EPHB1: variants seen among roughly 807,000 people sequenced by gnomAD.
The protein encoded by EPHB1 is ephrin type-B receptor 1.
EPHB1 carries 30 observed loss-of-function variants against 94.4 expected under a neutral mutation model. The observed-to-expected ratio is 0.32, with a 90% CI of 0.24 to 0.43. The LOEUF is 0.43. Ranked by LOEUF, EPHB1 falls within the 20% of genes least tolerant of loss-of-function variation. EPHB1 has a pLI of 1.00. For synonymous variants in EPHB1, 522 were observed against 489.1 expected, an observed-to-expected ratio of 1.07 and a Z score of -0.89; for missense variants, 1,055 against 1,308.3, an observed-to-expected ratio of 0.81 and a Z score of 2.99.
At chr3:134,928,992 A>T (rs375162833) in intron 2 of EPHB1, among the ~76,000 whole-genome samples, 1 of 152,078 alleles carries the variant, frequency 6.6e-6, no homozygotes, top group Non-Finnish European at 1.5e-5. Context: ...AAGTATACAG[A>T]TGGTTTCAGA....
rs764876925 is a variant in EPHB1 at position 135,248,451 on chromosome 3, C to G, written c.2632C>G (p.Leu878Val). Residue 878 changes from leucine to valine, a missense_variant, in exon 14 of 16, where the codon CTA becomes GTA. Coordinates refer to ENST00000398015, the MANE Select transcript of EPHB1 (RefSeq NM_004441.5). ...CCGGTTTGCGGAGATTGTCAACACC[C>G]TAGATAAGATGATCCGGAACCCGGC... ...RPRFAEIVNT[L>V]DKMIRNPASL... The G allele has an allele frequency of 1.2e-6, 2 of 1,613,604 alleles. No homozygotes were observed. Among genetic ancestry groups the G allele is most frequent in the Non-Finnish European group, 1.7e-6 (2 of 1,179,670 alleles).
chr3:134,882,580 C>T (rs2037755380), intron 1 of EPHB1, among the ~76,000 whole-genome samples: 1 of 152,182 alleles, frequency 6.6e-6, no homozygotes, highest in Non-Finnish European at 1.5e-5. Flanking sequence ...CATGAGGAAT[C>T]AACTTGTGGG....
intron 9 of EPHB1, among the ~76,000 whole-genome samples, chr3:135,173,154 C>T (rs1941859075): frequency 6.6e-6 from 1 of 150,972 alleles, no homozygotes; most frequent in South Asian, 2.1e-4. Flanking sequence ...CCTGCCTCAG[C>T]CTCCCAAGTA....
chr3:135,140,250 C>A (rs1940772051), intron 5 of EPHB1, among the ~76,000 whole-genome samples: 1 of 152,094 alleles, frequency 6.6e-6, no homozygotes, highest in Non-Finnish European at 1.5e-5. Context: ...CATAAAGAGG[C>A]AAAGAGGATG....
intron 12 of EPHB1, 116 bp downstream of exon 12, chr3:135,201,805 C>A: frequency 1.0e-6 from 1 of 993,284 alleles, no homozygotes; most frequent in South Asian, 1.6e-5. Flanking sequence ...ACTGAGCTCT[C>A]CACTGAAAGA....
intron 3 of EPHB1, chr3:134,977,936 A>G (rs1934250749): frequency 2.2e-6 from 1 of 455,682 alleles, no homozygotes; most frequent in African/African-American, 2.0e-5. Context: ...CACTTGCCTG[A>G]TGCCATCCAT....
At chr3:134,919,841 G>GGTGTGTGTGT (rs10663205) in intron 1 of EPHB1, among the ~76,000 whole-genome samples, 49 of 149,744 alleles carry the variant, frequency 3.3e-4, no homozygotes, top group African/African-American at 9.6e-4. Flanking sequence ...TTAGGGCAGG[G>GGTGTGTGTGT]GTGTGTGTGT....
intron 1 of EPHB1, among the ~76,000 whole-genome samples, chr3:134,806,904 G>A (rs185075135): frequency 3.9e-5 from 6 of 152,216 alleles, no homozygotes; most frequent in South Asian, 2.1e-4. Context: ...GTGACTGAGA[G>A]TGATGGGCGC....
intron 3 of EPHB1, among the ~76,000 whole-genome samples, chr3:135,041,960 G>A (rs1936859666): frequency 6.6e-6 from 1 of 152,096 alleles, no homozygotes; most frequent in African/African-American, 2.4e-5. Context: ...TCTGAGACAG[G>A]GTCTCACTCT....
At chr3:134,952,830 G>A (rs1445376623) in intron 3 of EPHB1, among the ~76,000 whole-genome samples, 1 of 152,174 alleles carries the variant, frequency 6.6e-6, no homozygotes, top group Non-Finnish European at 1.5e-5. Flanking sequence ...TGCTGAACTG[G>A]CTGCAGGCTC....
In EPHB1 at chr3:134,983,632, A is replaced by G. The variant is rs187954327; in HGVS notation, c.805+31580A>G. On this transcript the variant is annotated intron_variant, in intron 3 of 15. Coordinates refer to ENST00000398015, the MANE Select transcript of EPHB1 (RefSeq NM_004441.5). The stretch of plus-strand genomic sequence containing the variant: ...GGGAGTCAGAAGCTTAGCTATGAGC[A>G]TCTTCCCCACCATGCTGCCTGTGCA... Among the ~76,000 whole-genome samples, 118 of 152,372 alleles carry G rather than the reference A, an allele frequency of 7.7e-4. 1 individual carries two copies. The highest frequency in any genetic ancestry group is 2.7e-3 in the South Asian group (13 of 4,832).
intron 15 of EPHB1, among the ~76,000 whole-genome samples, chr3:135,252,370 CCCACCCCA>C (rs1260353422): frequency 1.8e-5 from 2 of 112,910 alleles, no homozygotes; most frequent in Admixed American, 2.0e-4. Context: ...CCCCCCTCCC[CCCACCCCA>C]CCACAGTCCC....
At chr3:135,184,000 G>A (rs1177104027) in intron 10 of EPHB1, among the ~76,000 whole-genome samples, 1 of 152,200 alleles carries the variant, frequency 6.6e-6, no homozygotes, top group African/African-American at 2.4e-5. Flanking sequence ...CCTTGGAGGT[G>A]GGAAGACAAG....
intron 3 of EPHB1, among the ~76,000 whole-genome samples, chr3:134,954,297 T>C (rs1437415984): frequency 6.6e-6 from 1 of 152,142 alleles, no homozygotes; most frequent in East Asian, 1.9e-4. Flanking sequence ...AGTGGTGATC[T>C]TGGGAAGACT....
intron 1 of EPHB1, among the ~76,000 whole-genome samples, chr3:134,877,842 C>T (rs962471617): frequency 7.2e-5 from 11 of 152,248 alleles, no homozygotes; most frequent in Middle Eastern, 3.4e-3. Context: ...TCAGTGTCAC[C>T]CCAAGGCAGT....
chr3:135,038,560 T>A (rs1173080345), intron 3 of EPHB1, among the ~76,000 whole-genome samples: 1 of 152,076 alleles, frequency 6.6e-6, no homozygotes, highest in Admixed American at 6.5e-5. Flanking sequence ...CCGGAATTGG[T>A]GGGTTCTTGG....
At chr3:135,003,570 C>T (rs1477397631) in intron 3 of EPHB1, among the ~76,000 whole-genome samples, 5 of 151,662 alleles carry the variant, frequency 3.3e-5, no homozygotes, top group Non-Finnish European at 5.9e-5. Context: ...GTTAAAGTCT[C>T]CCATTATTAA....
rs981729041 is a variant in EPHB1 at position 135,228,730 on chromosome 3, T to C, written c.2347-12418T>C. Among the ~76,000 whole-genome samples, 16 of 150,762 alleles carry C rather than the reference T, an allele frequency of 1.1e-4. 1 individual carries two copies. Among genetic ancestry groups the C allele is most frequent in the Admixed American group, 8.6e-4 (13 of 15,036 alleles). ...AGAGCTCACTGAGAGTCGGGCAGTC[T>C]GAGGGGTGACAGCGTGGGTGGGGTG... On this transcript the variant is annotated intron_variant, in intron 12 of 15. Transcript: ENST00000398015.
intron 14 of EPHB1, 102 bp downstream of exon 14, chr3:135,248,611 T>A: frequency 8.1e-7 from 1 of 1,238,248 alleles, no homozygotes; most frequent in Non-Finnish European, 1.1e-6. Flanking sequence ...TTTTAAAGAG[T>A]ATCTAGTTGC....
Sources: gnomAD v4.1 joint callset for allele counts (sites outside exome capture counted in the v4.1 genomes callset) on GRCh38, gnomAD v4.1.1 for gene constraint, MANE v1.5 for transcripts, NCBI Gene and HGNC (gene_info 2026-07-23, HGNC 2026-07-21) for gene names.